The following TNFRSF10A variants were observed in gnomAD, a reference collection of about 807,000 sequenced individuals.
The protein encoded by TNFRSF10A is TNF receptor superfamily member 10a, also known as tumor necrosis factor receptor superfamily member 10A.
In TNFRSF10A, 44 loss-of-function variants were observed where a neutral mutation model predicts 42.8. The observed-to-expected ratio is 1.03, with a 90% confidence interval of 0.81 to 1.32. The LOEUF (loss-of-function observed/expected upper bound fraction) is 1.32. TNFRSF10A is among the 40% of genes most tolerant of loss of function. The pLI is 0.00. For missense variants in TNFRSF10A, 680 were observed against 602.0 expected, an observed-to-expected ratio of 1.13 and a Z score of -1.36; for synonymous variants, 259 against 234.2, an observed-to-expected ratio of 1.11 and a Z score of -0.97.
chr8:23,200,655 T>C (rs1329566489), intron 5 of TNFRSF10A, 32 bp downstream of exon 5: 3 of 1,614,070 alleles, frequency 1.9e-6, no homozygotes, highest in Admixed American at 1.7e-5. Context: ...CTGTCTCCTC[T>C]GCAGCTGGGG....
At chr8:23,204,522 A>T (rs756405634) in intron 2 of TNFRSF10A, among the ~76,000 whole-genome samples, 1 of 152,234 alleles carries the variant, frequency 6.6e-6, no homozygotes, top group Non-Finnish European at 1.5e-5. Context: ...ACAAGAAAGT[A>T]GTAGACTTGA....
intron 2 of TNFRSF10A, among the ~76,000 whole-genome samples, 178 bp downstream of exon 2, chr8:23,211,938 A>G (rs1264691700): frequency 6.6e-6 from 1 of 152,226 alleles, no homozygotes; most frequent in Non-Finnish European, 1.5e-5. Flanking sequence ...ATAACCTTGG[A>G]TTTGGCAAAG....
At position 23,200,776 on chromosome 8, in the gene TNFRSF10A, G is replaced by A. The variant is rs1800900959; in HGVS notation, c.630-16C>T. 7.1e-7 allele frequency: 1 copy of A among 1,415,264 alleles called. No individual in the cohort carries two copies. The highest frequency in any genetic ancestry group is 1.0e-6 in the Non-Finnish European group (1 of 1,004,562). The allele number at this position is 1,415,264 out of a possible 1,614,324, so 87.7% of individuals were successfully genotyped here. A position where few individuals can be genotyped will look rare whatever the true frequency, so the allele number is the denominator to read the frequency against. On this transcript the variant is annotated splice_polypyrimidine_tract_variant and intron_variant, in intron 4 of 9. Transcript: ENST00000221132. Reference sequence around the variant, plus strand: ...TCTGGGGCACCTGGGTACACACAGGGAGGGAGGGGGGGGACTCTTGATGGA... The same window carrying A: ...TCTGGGGCACCTGGGTACACACAGGAAGGGAGGGGGGGGACTCTTGATGGA...
chr8:23,222,191 T>C (rs1283909150), intron 1 of TNFRSF10A, among the ~76,000 whole-genome samples: 2 of 152,174 alleles, frequency 1.3e-5, no homozygotes, highest in East Asian at 3.8e-4. Context: ...TTTTGTATTC[T>C]TGGTGTGAGA....
chr8:23,212,898 A>G (rs1054397265), intron 1 of TNFRSF10A, among the ~76,000 whole-genome samples: 4 of 152,224 alleles, frequency 2.6e-5, no homozygotes, highest in Admixed American at 6.5e-5. Flanking sequence ...CTATATTATC[A>G]GGGTAATGCG....
At chr8:23,196,397 C>T (rs1212907965) in intron 9 of TNFRSF10A, among the ~76,000 whole-genome samples, 3 of 152,074 alleles carry the variant, frequency 2.0e-5, no homozygotes, top group Non-Finnish European at 2.9e-5. Context: ...GGGGTTTCAC[C>T]ATGTTAGCCA....
At position 23,190,697 on chromosome 8, in the gene TNFRSF10A, T is replaced by C. The variant is rs1452262325; in HGVS notation, c.*997A>G. The C allele has an allele frequency of 2.0e-5, 3 of 152,238 alleles. No homozygotes were observed. Among genetic ancestry groups the C allele is most frequent in the Non-Finnish European group, 4.4e-5 (3 of 68,046 alleles). 9.4% of individuals were successfully genotyped at this position (152,238 alleles called of 1,614,324 possible). A position where few individuals can be genotyped will look rare whatever the true frequency, so the allele number is the denominator to read the frequency against. On this transcript the variant is annotated 3_prime_UTR_variant, in exon 10 of 10. Coordinates refer to ENST00000221132, the MANE Select transcript of TNFRSF10A (RefSeq NM_003844.4). ...ACTGAAATGTTGTGGGGTAAATGACTATATATGAAATGGGACTTATTGGAG... is the reference window on the plus strand; with the variant it reads ...ACTGAAATGTTGTGGGGTAAATGACCATATATGAAATGGGACTTATTGGAG...
chr8:23,202,094 C>T (rs766794461), intron 3 of TNFRSF10A, among the ~76,000 whole-genome samples, 175 bp from the exon 4 acceptor site: 1 of 152,236 alleles, frequency 6.6e-6, no homozygotes, highest in African/African-American at 2.4e-5. Context: ...CACCCTTCAG[C>T]TGTCACCAAC....
Position 23,225,091 on chromosome 8 carries a change from C to T in TNFRSF10A, c.-30G>A, listed in dbSNP as rs779620749. 60 of 1,481,116 alleles carry T rather than the reference C, an allele frequency of 4.1e-5. No homozygotes were observed. The highest frequency in any genetic ancestry group is 4.8e-5 in the East Asian group (2 of 41,922). 91.7% of individuals were successfully genotyped at this position (1,481,116 alleles called of 1,614,324 possible). ...CCAGGTCAATCCAAGAAGCAGCGTG[C>T]TTGGCTATGACAAGACAGAACTTCG... On this transcript the variant is annotated 5_prime_UTR_variant, in exon 1 of 10. Coordinates refer to ENST00000221132, the MANE Select transcript of TNFRSF10A (RefSeq NM_003844.4).
intron 1 of TNFRSF10A, among the ~76,000 whole-genome samples, chr8:23,213,536 T>C: frequency 6.7e-6 from 1 of 148,544 alleles, no homozygotes. Context: ...CAAGCTCCGC[T>C]TCCCAGGTTC....
At chr8:23,192,969 C>T (rs959992966) in intron 9 of TNFRSF10A, among the ~76,000 whole-genome samples, 13 of 152,220 alleles carry the variant, frequency 8.5e-5, no homozygotes, top group Admixed American at 6.5e-5. Flanking sequence ...ACCCCTCATT[C>T]ATCTTGATTG....
In TNFRSF10A at chr8:23,192,842, T is replaced by C. The variant is rs181438395; in HGVS notation, c.1088-829A>G. ...CTTCTGGTCCTTAACGACTGGAAAC[T>C]TAACATTTGTTTTATCTGAGTTACT... is the stretch of plus-strand genomic sequence containing the variant. On this transcript the variant is annotated intron_variant, in intron 9 of 9. Transcript: ENST00000221132. 1.2e-4 allele frequency among the ~76,000 whole-genome samples: 19 copies of C among 152,326 alleles called. No homozygotes were observed. In the East Asian group the frequency reaches 3.7e-3, roughly 29 times the overall value.
Position 23,224,827 on chromosome 8 carries a change from C to T in TNFRSF10A, c.235G>A (p.Ala79Thr). 6.4e-7 allele frequency: 1 copy of T among 1,565,882 alleles called. No individual in the cohort carries two copies. Residue 79 changes from alanine to threonine, a missense_variant, in exon 1 of 10, where the codon GCG (alanine) becomes ACG (threonine). By Grantham distance (58) the Ala-to-Thr change is moderately conservative. Coordinates refer to ENST00000221132, the MANE Select transcript of TNFRSF10A (RefSeq NM_003844.4). ...RAGRAPGPRP[A>T]REASPRLRVH... ...CGGAGCCGAGGGCTGGCTTCCCGCG[C>T]CGGCCTGGGTCCTGGGGCGCGCCCT...
chr8:23,196,127 T>A (rs943279913), intron 9 of TNFRSF10A, among the ~76,000 whole-genome samples: 5 of 152,178 alleles, frequency 3.3e-5, no homozygotes, highest in African/African-American at 4.8e-5. Context: ...TCCAATGGGA[T>A]GCTGGACCCC....
chr8:23,213,478 C>T (rs745914441), intron 1 of TNFRSF10A, among the ~76,000 whole-genome samples: 5 of 72,890 alleles, frequency 6.9e-5, no homozygotes, highest in African/African-American at 1.2e-4. Flanking sequence ...GACAGAGTCT[C>T]GCTCTGTTGC....
At chr8:23,222,557 A>G (rs944447002) in intron 1 of TNFRSF10A, among the ~76,000 whole-genome samples, 2 of 152,244 alleles carry the variant, frequency 1.3e-5, no homozygotes, top group African/African-American at 2.4e-5. Flanking sequence ...TTCTTCAGTC[A>G]GAATTTTAAA....
intron 2 of TNFRSF10A, among the ~76,000 whole-genome samples, chr8:23,205,643 T>C (rs1800994376): frequency 2.0e-5 from 3 of 151,724 alleles, no homozygotes; most frequent in Middle Eastern, 3.4e-3. Flanking sequence ...CGCGACAAGA[T>C]GTGGAGGTGA....
chr8:23,214,266 T>C (rs569968021), intron 1 of TNFRSF10A, among the ~76,000 whole-genome samples: 2 of 152,252 alleles, frequency 1.3e-5, no homozygotes, highest in South Asian at 4.2e-4. Context: ...GGCAGGCAGA[T>C]CACGAAGTCA....
chr8:23,215,517 C>CATAA (rs1267664213), intron 1 of TNFRSF10A, among the ~76,000 whole-genome samples: 87 of 80,920 alleles, frequency 1.1e-3, no homozygotes, highest in East Asian at 8.4e-3. Context: ...CAAAAAATAG[C>CATAA]ATAACTAAAT....
Sources: gnomAD v4.1 joint callset for allele counts (sites outside exome capture counted in the v4.1 genomes callset) on GRCh38, gnomAD v4.1.1 for gene constraint, MANE v1.5 for transcripts, NCBI Gene and HGNC (gene_info 2026-07-23, HGNC 2026-07-21) for gene names.